BANK1: variants seen among roughly 807,000 people sequenced by gnomAD.
The protein encoded by BANK1 is B cell scaffold protein with ankyrin repeats 1.
Under a neutral mutation model 94.5 loss-of-function variants are expected in BANK1, and 95 were observed. That is an observed-to-expected ratio of 1.00 (90% CI 0.85 to 1.19). BANK1 has a LOEUF of 1.19. BANK1 is among the 50% of genes most tolerant of loss of function. The pLI is 0.00. For synonymous variants in BANK1, 334 were observed against 308.4 expected (o/e 1.08, Z -0.87); for missense variants, 987 against 932.2 (o/e 1.06, Z -0.77).
Position 102,044,560 on chromosome 4 carries a change from C to T in BANK1, c.1969+653C>T, listed in dbSNP as rs535276442. Among the ~76,000 whole-genome samples, 922 of 131,838 alleles carry T rather than the reference C, an allele frequency of 7.0e-3. 7 individuals are homozygous for T. Among genetic ancestry groups the T allele is most frequent in the Non-Finnish European group, 0.012 (755 of 62,718 alleles). The allele number at this position is 131,838 out of a possible 152,430, so 86.5% of individuals were successfully genotyped here. On this transcript the variant is annotated intron_variant, in intron 11 of 16. Transcript: ENST00000322953. ...GGGTATATACCCAGTAATGGGATGG[C>T]TGGGTCAAATGGTATTTCCAGTTCT... is the stretch of plus-strand genomic sequence containing the variant.
intron 8 of BANK1, among the ~76,000 whole-genome samples, chr4:102,023,996 A>C (rs189072748): frequency 6.6e-6 from 1 of 152,328 alleles, no homozygotes; most frequent in Admixed American, 6.5e-5. Context: ...AAAAACAAAT[A>C]ACTATCCACT....
At chr4:101,881,097 C>A (rs1578375334) in intron 5 of BANK1, among the ~76,000 whole-genome samples, 1 of 152,070 alleles carries the variant, frequency 6.6e-6, no homozygotes, top group Non-Finnish European at 1.5e-5. Flanking sequence ...TAAAAAGTTT[C>A]TGCACAGCAA....
At chr4:102,048,195 T>G (rs1204847098) in intron 11 of BANK1, among the ~76,000 whole-genome samples, 1 of 152,136 alleles carries the variant, frequency 6.6e-6, no homozygotes, top group Non-Finnish European at 1.5e-5. Flanking sequence ...TGAACATCAG[T>G]AATGTACCAG....
intron 5 of BANK1, among the ~76,000 whole-genome samples, chr4:101,871,343 A>G (rs1381916972): frequency 1.3e-5 from 2 of 151,898 alleles, no homozygotes; most frequent in African/African-American, 4.8e-5. Context: ...AGGAAGTCGA[A>G]GTATCTTCAA....
At chr4:101,871,254 C>CTAG (rs1728276856) in intron 5 of BANK1, among the ~76,000 whole-genome samples, 1 of 151,994 alleles carries the variant, frequency 6.6e-6, no homozygotes, top group South Asian at 2.1e-4. Context: ...CTATTTATAA[C>CTAG]AATTTGATAA....
At chr4:101,810,823 T>G (rs965588963) in intron 1 of BANK1, among the ~76,000 whole-genome samples, 1 of 152,328 alleles carries the variant, frequency 6.6e-6, no homozygotes, top group East Asian at 1.9e-4. Context: ...AGTAAATTAA[T>G]GCTTATAAAG....
intron 2 of BANK1, among the ~76,000 whole-genome samples, chr4:101,847,733 TCATA>T (rs1560599509): frequency 1.0e-5 from 1 of 98,544 alleles, no homozygotes; most frequent in East Asian, 3.8e-4. Context: ...TAGTATTCCA[TCATA>T]CACACACACA....
intron 6 of BANK1, among the ~76,000 whole-genome samples, chr4:101,899,777 T>C (rs149613906): frequency 6.6e-6 from 1 of 152,284 alleles, no homozygotes; most frequent in African/African-American, 2.4e-5. Flanking sequence ...TTCGTCATCC[T>C]AGAATCACTC....
At chr4:101,887,159 C>A (rs1319569117) in intron 5 of BANK1, among the ~76,000 whole-genome samples, 3 of 152,154 alleles carry the variant, frequency 2.0e-5, no homozygotes, top group African/African-American at 7.2e-5. Context: ...GATGGATGAA[C>A]CTTCTTGTAC....
intron 1 of BANK1, among the ~76,000 whole-genome samples, chr4:101,799,158 C>T (rs1327805616): frequency 6.6e-6 from 1 of 152,140 alleles, no homozygotes; most frequent in East Asian, 1.9e-4. Context: ...AGGAAGGGAT[C>T]CAGTTTCAGC....
At chr4:102,007,772 A>G (rs144620699) in intron 7 of BANK1, among the ~76,000 whole-genome samples, 61 of 152,254 alleles carry the variant, frequency 4.0e-4, no homozygotes, top group African/African-American at 1.4e-3. Flanking sequence ...ATTCAGAATC[A>G]TATTTTAATG....
chr4:101,798,992 T>G (rs1725257212), intron 1 of BANK1, among the ~76,000 whole-genome samples: 1 of 152,212 alleles, frequency 6.6e-6, no homozygotes, highest in South Asian at 2.1e-4. Context: ...AATTTTGGCT[T>G]TTGTTGCCAT....
intron 5 of BANK1, among the ~76,000 whole-genome samples, chr4:101,893,535 A>G (rs1461040264): frequency 6.6e-6 from 1 of 152,098 alleles, no homozygotes; most frequent in Non-Finnish European, 1.5e-5. Context: ...TGATTTTCAT[A>G]TATTTAAAAT....
intron 5 of BANK1, among the ~76,000 whole-genome samples, chr4:101,887,063 G>A (rs1473270519): frequency 6.6e-6 from 1 of 152,160 alleles, no homozygotes; most frequent in African/African-American, 2.4e-5. Flanking sequence ...GCAAATTTAT[G>A]AGCATGTCCT....
chr4:101,957,651 A>G (rs1158122244), intron 7 of BANK1, among the ~76,000 whole-genome samples: 1 of 152,144 alleles, frequency 6.6e-6, no homozygotes, highest in Admixed American at 6.5e-5. Flanking sequence ...AAGTGTTTGC[A>G]TTTTCCACTT....
intron 7 of BANK1, among the ~76,000 whole-genome samples, chr4:101,974,816 G>A (rs1342191807): frequency 6.6e-6 from 1 of 151,590 alleles, no homozygotes; most frequent in Non-Finnish European, 1.5e-5. Context: ...AATTAGCTGG[G>A]CACGGTGGCA....
At chr4:101,980,621 T>C (rs1725296714) in intron 7 of BANK1, among the ~76,000 whole-genome samples, 1 of 151,992 alleles carries the variant, frequency 6.6e-6, no homozygotes. Context: ...TGTGTATTTA[T>C]GAAAAATAAA....
chr4:101,815,071 C>T (rs1157028109), intron 1 of BANK1, among the ~76,000 whole-genome samples: 2 of 152,010 alleles, frequency 1.3e-5, no homozygotes, highest in African/African-American at 4.8e-5. Flanking sequence ...TCAAATATTG[C>T]CTTTGTTACT....
intron 7 of BANK1, among the ~76,000 whole-genome samples, chr4:101,920,559 C>CA (rs1722969529): frequency 6.6e-6 from 1 of 151,884 alleles, no homozygotes; most frequent in Non-Finnish European, 1.5e-5. Flanking sequence ...CAAATGCATT[C>CA]AAATTTTTCA....
Sources: allele counts gnomAD v4.1 joint callset (sites outside exome capture counted in the v4.1 genomes callset), GRCh38; gene constraint gnomAD v4.1.1; transcripts MANE v1.5; gene names NCBI Gene and HGNC (gene_info 2026-07-23, HGNC 2026-07-21).